The following FER1L6 variants were observed in gnomAD, a reference collection of about 807,000 sequenced individuals.
The protein encoded by FER1L6 is fer-1-like protein 6.
In FER1L6, 177 loss-of-function variants were observed where a neutral mutation model predicts 219.2. The ratio of observed to expected loss-of-function variants is 0.81; its 90% confidence interval spans 0.71 to 0.91. FER1L6 has a LOEUF of 0.91. Ranked by LOEUF, FER1L6 falls within the 40% of genes least tolerant of loss-of-function variation. FER1L6 has a pLI of 0.00. For missense variants in FER1L6, 2,153 were observed against 2,259.9 expected (o/e 0.95, Z 0.96); for synonymous variants, 768 against 824.3 (o/e 0.93, Z 1.17).
rs71576706 is a variant in FER1L6 at position 123,856,316 on chromosome 8, G to GTGTATATA, written c.-8+4132_-8+4133insGTATATAT. Among the ~76,000 whole-genome samples, 39 of 45,086 alleles carry GTGTATATA rather than the reference G, an allele frequency of 8.7e-4. 5 individuals are homozygous for GTGTATATA. Among genetic ancestry groups the GTGTATATA allele is most frequent in the African/African-American group, 1.9e-3 (22 of 11,508 alleles). The allele number at this position is 45,086 out of a possible 152,430, so 29.6% of individuals were successfully genotyped here. Reference sequence around the variant, plus strand: ...TGTATATATATATATATATGTATGTGTATATATATATATATATATATATAT... The same window carrying GTGTATATA: ...TGTATATATATATATATATGTATGTGTGTATATATATATATATATATATATATATATAT... On this transcript the variant is annotated intron_variant, in intron 1 of 40. Transcript: ENST00000522917.
intron 24 of FER1L6, 64 bp downstream of exon 24, chr8:124,060,773 G>C (rs1275359154): frequency 1.0e-5 from 16 of 1,538,208 alleles, no homozygotes; most frequent in Non-Finnish European, 1.4e-5. Context: ...AGATGTTTTA[G>C]GGTTTCAGAT....
intron 12 of FER1L6, among the ~76,000 whole-genome samples, chr8:123,989,705 C>T (rs1203767526): frequency 3.3e-5 from 5 of 152,100 alleles, no homozygotes; most frequent in African/African-American, 4.8e-5. Flanking sequence ...GAATAATGAC[C>T]TCCAGCTCCA....
chr8:124,087,912 CCTTT>C (rs780912022), intron 33 of FER1L6, among the ~76,000 whole-genome samples: 5 of 152,060 alleles, frequency 3.3e-5, no homozygotes, highest in Admixed American at 2.6e-4. Flanking sequence ...CTCTTTTTCT[CCTTT>C]CTTTTCCCCA....
intron 27 of FER1L6, among the ~76,000 whole-genome samples, chr8:124,067,367 A>G (rs1449007165): frequency 6.6e-6 from 1 of 152,066 alleles, no homozygotes; most frequent in East Asian, 1.9e-4. Context: ...TTCTCTGCTA[A>G]CCTCCCCAAC....
intron 10 of FER1L6, among the ~76,000 whole-genome samples, chr8:123,977,940 GCTGCTCATCTC>G (rs1350374070): frequency 6.6e-6 from 1 of 152,196 alleles, no homozygotes; most frequent in Non-Finnish European, 1.5e-5. Flanking sequence ...TCACTTGCCT[GCTGCTCATCTC>G]TTGCGGCCCA....
intron 15 of FER1L6, among the ~76,000 whole-genome samples, chr8:124,015,548 TTTC>T (rs1818147389): frequency 1.5e-5 from 2 of 137,002 alleles, no homozygotes; most frequent in African/African-American, 5.4e-5. Flanking sequence ...ATAGTTTTTG[TTTC>T]TTGTTTTTCA....
At chr8:123,918,302 C>G (rs1020796165) in intron 1 of FER1L6, among the ~76,000 whole-genome samples, 5 of 136,488 alleles carry the variant, frequency 3.7e-5, no homozygotes, top group Middle Eastern at 3.5e-3. Context: ...GAGAGACAAC[C>G]TGTCTCAAAA....
At chr8:123,862,543 C>A (rs1291127500) in intron 1 of FER1L6, among the ~76,000 whole-genome samples, 1 of 140,848 alleles carries the variant, frequency 7.1e-6, no homozygotes. Context: ...GGAATAGTTT[C>A]AGAAGGAATG....
At chr8:123,975,824 C>T in intron 8 of FER1L6, 74 bp from the exon 9 acceptor site, 1 of 1,241,620 alleles carries the variant, frequency 8.1e-7, no homozygotes, top group Non-Finnish European at 1.1e-6. Context: ...TTTCTGCCTC[C>T]AAATTGCTCC....
chr8:124,028,986 G>A (rs1182892422), intron 18 of FER1L6, among the ~76,000 whole-genome samples: 1 of 152,060 alleles, frequency 6.6e-6, no homozygotes, highest in African/African-American at 2.4e-5. Flanking sequence ...CTGTCCATGT[G>A]TTCTCATTGT....
At chr8:123,950,093 C>T (rs1586504120) in intron 1 of FER1L6, among the ~76,000 whole-genome samples, 2 of 152,156 alleles carry the variant, frequency 1.3e-5, no homozygotes, top group Admixed American at 6.5e-5. Flanking sequence ...ATAGGAAAGA[C>T]GAACCATTTT....
chr8:124,067,804 C>T lies in FER1L6; in HGVS notation c.3716C>T (p.Thr1239Ile), dbSNP rs968402521. The T allele has an allele frequency of 5.0e-6, 8 of 1,612,060 alleles. No individual in the cohort carries two copies. Among genetic ancestry groups the T allele is most frequent in the Admixed American group, 3.3e-5 (2 of 59,998 alleles). ...AATCCCAAGGGAAAAAAAGGCAATA[C>T]AGGTAAGCAGTTATTCTGGGGACAT... is the stretch of plus-strand genomic sequence containing the variant. ...ERNPKGKKGN[T>I]EAKPDEVVVD... The change falls in exon 28 of 41, where the codon ACA becomes ATA. Residue 1239 changes from threonine to isoleucine, a missense_variant and splice_region_variant. Physicochemically the swap from Thr to Ile is moderately conservative, Grantham distance 89. Transcript: ENST00000522917.
intron 17 of FER1L6, 69 bp downstream of exon 17, chr8:124,021,738 G>A (rs1818461155): frequency 6.4e-7 from 1 of 1,568,358 alleles, no homozygotes; most frequent in Non-Finnish European, 8.7e-7. Context: ...GGTTTGAATG[G>A]TTGGTACGGG....
intron 1 of FER1L6, among the ~76,000 whole-genome samples, chr8:123,890,482 G>C (rs1007772480): frequency 6.6e-6 from 1 of 151,476 alleles, no homozygotes. Flanking sequence ...TTATTGGAAG[G>C]CTTTTATTTG....
At chr8:124,099,539 T>C (rs1166628648) in intron 37 of FER1L6, among the ~76,000 whole-genome samples, 1 of 152,172 alleles carries the variant, frequency 6.6e-6, no homozygotes, top group African/African-American at 2.4e-5. Flanking sequence ...CACCATTGTC[T>C]TTTCCTCCAT....
At chr8:123,878,065 T>A (rs1412412828) in intron 1 of FER1L6, among the ~76,000 whole-genome samples, 1 of 152,306 alleles carries the variant, frequency 6.6e-6, no homozygotes, top group African/African-American at 2.4e-5. Context: ...CTTAAAATTG[T>A]TAAGTCATCG....
intron 1 of FER1L6, among the ~76,000 whole-genome samples, chr8:123,885,305 A>G (rs1393661720): frequency 1.3e-5 from 2 of 152,136 alleles, no homozygotes; most frequent in African/African-American, 4.8e-5. Flanking sequence ...GGAATGGTCT[A>G]CCTGTCTTCT....
Position 124,049,548 on chromosome 8 carries a change from G to T in FER1L6, c.2725-59G>T, listed in dbSNP as rs1819904148. The T allele has an allele frequency of 7.6e-6, 12 of 1,570,002 alleles. No homozygotes were observed. In the South Asian group the frequency reaches 1.2e-4, roughly 16 times the overall value. On this transcript the variant is annotated intron_variant, in intron 21 of 40. Transcript: ENST00000522917. ...TTTGTGGAGGTGATGGCATTGATGT[G>T]GATCAGAACCAGGTAATTAATGATC...
At chr8:124,109,268 T>G (rs1822914944) in intron 39 of FER1L6, among the ~76,000 whole-genome samples, 1 of 152,200 alleles carries the variant, frequency 6.6e-6, no homozygotes, top group Non-Finnish European at 1.5e-5. Context: ...GTATGACGTT[T>G]ACATAGGGCC....
Sources: allele counts gnomAD v4.1 joint callset (sites outside exome capture counted in the v4.1 genomes callset), GRCh38; gene constraint gnomAD v4.1.1; transcripts MANE v1.5; gene names NCBI Gene and HGNC (gene_info 2026-07-23, HGNC 2026-07-21).